Variants in RAPGEF2 observed in about 807,000 individuals in gnomAD.
RAPGEF2 encodes Rap guanine nucleotide exchange factor 2.
In RAPGEF2, 54 loss-of-function variants were observed where a neutral mutation model predicts 186.7. The ratio of observed to expected loss-of-function variants is 0.29; its 90% CI spans 0.23 to 0.36. RAPGEF2 has a LOEUF of 0.36. Among genes scored for constraint, RAPGEF2 ranks in the 10% least tolerant of loss-of-function variants. RAPGEF2 has a pLI of 1.00. For synonymous variants in RAPGEF2, 712 were observed against 705.9 expected, an observed-to-expected ratio of 1.01 and a Z score of -0.14; for missense variants, 1,532 against 2,045.0, an observed-to-expected ratio of 0.75 and a Z score of 4.84.
intron 5 of RAPGEF2, among the ~76,000 whole-genome samples, chr4:159,239,290 T>C (rs1367662987): frequency 6.6e-6 from 1 of 152,174 alleles, no homozygotes; most frequent in Non-Finnish European, 1.5e-5. Flanking sequence ...TTTTGGAATC[T>C]AAACATGCCT....
chr4:159,349,721 CA>C (rs1333623971), intron 25 of RAPGEF2, among the ~76,000 whole-genome samples: 53 of 152,186 alleles, frequency 3.5e-4, no homozygotes, highest in African/African-American at 1.3e-3. Context: ...TCCAAGGATA[CA>C]AAACAGTTTC....
chr4:159,329,865 G>C lies in RAPGEF2; in HGVS notation c.1157G>C (p.Cys386Ser). The C allele has an allele frequency of 6.2e-7, 1 of 1,610,444 alleles. No individual in the cohort carries two copies. Among genetic ancestry groups the C allele is most frequent in the Non-Finnish European group, 8.5e-7 (1 of 1,178,194 alleles). ...ACTTATGTTTTATTCCAGTTTGTCTGCATAGCCCAGCAAGATTACTGCCGT... is the reference window on the plus strand; with the variant it reads ...ACTTATGTTTTATTCCAGTTTGTCTCCATAGCCCAGCAAGATTACTGCCGT... The part of the protein sequence containing the change: ...RTKVDDCQFV[C>S]IAQQDYCRIL... Residue 386 changes from cysteine to serine, a missense_variant, in exon 12 of 30, where the codon TGC (cysteine) becomes TCC (serine). By Grantham distance (112) the Cys-to-Ser change is moderately radical. Transcript: ENST00000691494.
At chr4:159,198,992 C>A (rs1749107435) in intron 3 of RAPGEF2, among the ~76,000 whole-genome samples, 1 of 149,650 alleles carries the variant, frequency 6.7e-6, no homozygotes, top group Non-Finnish European at 1.5e-5. Flanking sequence ...ACGAGAATTG[C>A]CTGAGCCCCA....
At chr4:159,358,028 T>C (rs1732294039) in intron 29 of RAPGEF2, 86 bp from the exon 30 acceptor site, 30 of 1,308,988 alleles carry the variant, frequency 2.3e-5, no homozygotes, top group Non-Finnish European at 3.2e-5. Context: ...TAGTTTTATT[T>C]AGCACATCAG....
intron 11 of RAPGEF2, chr4:159,328,000 C>G (rs1766168989): frequency 6.6e-6 from 1 of 151,964 alleles, no homozygotes; most frequent in Non-Finnish European, 1.5e-5. Flanking sequence ...TAGTACATTT[C>G]TCTTCATAAA....
chr4:159,146,016 C>T (rs1341102287), intron 1 of RAPGEF2, among the ~76,000 whole-genome samples: 1 of 152,028 alleles, frequency 6.6e-6, no homozygotes, highest in Non-Finnish European at 1.5e-5. Context: ...CTTATGCTGT[C>T]TGTATGTAAC....
intron 1 of RAPGEF2, among the ~76,000 whole-genome samples, chr4:159,135,192 TGC>T (rs546130706): frequency 2.4e-4 from 36 of 152,162 alleles, no homozygotes; most frequent in Non-Finnish European, 4.1e-4. Flanking sequence ...TATAGGTGTG[TGC>T]CACCATGCCC....
chr4:159,322,398 T>C lies in RAPGEF2; in HGVS notation c.905T>C (p.Met302Thr), dbSNP rs1765344443. Residue 302 changes from methionine (M) to threonine (T), a missense_variant, in exon 10 of 30, where the codon ATG becomes ACG. Around this residue, in one of 4 missense-constraint regions of RAPGEF2, gnomAD observed 810 missense variants for 1,210.5 expected, o/e 0.67. Transcript: ENST00000691494. ...HQLPAFANMT[M>T]SVRRELCAVM... ...TTGCCTGCTTTTGCCAATATGACAATGTCAGTGAGGCGAGAACTCTGTGCT... is the reference window on the plus strand; with the variant it reads ...TTGCCTGCTTTTGCCAATATGACAACGTCAGTGAGGCGAGAACTCTGTGCT... 3 of 1,613,912 alleles carry C rather than the reference T, an allele frequency of 1.9e-6. No homozygotes were observed. The highest frequency in any genetic ancestry group is 1.7e-5 in the Admixed American group (1 of 59,990).
chr4:159,323,983 A>C (rs984840815), intron 11 of RAPGEF2, among the ~76,000 whole-genome samples: 5 of 148,794 alleles, frequency 3.4e-5, no homozygotes, highest in African/African-American at 1.2e-4. Flanking sequence ...TGCAACCTCC[A>C]CCTCCTGGGT....
At chr4:159,192,607 A>G (rs1414323341) in intron 2 of RAPGEF2, among the ~76,000 whole-genome samples, 1 of 152,226 alleles carries the variant, frequency 6.6e-6, no homozygotes, top group African/African-American at 2.4e-5. Flanking sequence ...TTTAAAAATT[A>G]TTCATGTTTT....
intron 1 of RAPGEF2, among the ~76,000 whole-genome samples, chr4:159,118,070 C>T (rs187689187): frequency 1.1e-3 from 168 of 152,156 alleles, no homozygotes; most frequent in Non-Finnish European, 1.8e-3. Flanking sequence ...GAGTACCCAA[C>T]CCCTGGGCCA....
intron 2 of RAPGEF2, among the ~76,000 whole-genome samples, chr4:159,190,841 G>C (rs1011824244): frequency 6.6e-6 from 1 of 152,202 alleles, no homozygotes; most frequent in African/African-American, 2.4e-5. Context: ...GACATGTGGG[G>C]ATTATGGGAA....
chr4:159,256,864 C>T (rs910279245), intron 7 of RAPGEF2, among the ~76,000 whole-genome samples: 8 of 152,096 alleles, frequency 5.3e-5, no homozygotes, highest in African/African-American at 1.7e-4. Context: ...TGTTCATGTC[C>T]TTTGCCCACT....
chr4:159,234,329 T>C (rs1386925966), intron 4 of RAPGEF2, among the ~76,000 whole-genome samples: 6 of 152,078 alleles, frequency 3.9e-5, no homozygotes, highest in Non-Finnish European at 7.4e-5. Context: ...TTAAAAATGA[T>C]TATTTTAGAA....
At chr4:159,114,381 C>T (rs756991984) in intron 1 of RAPGEF2, among the ~76,000 whole-genome samples, 29 of 151,800 alleles carry the variant, frequency 1.9e-4, no homozygotes, top group African/African-American at 4.8e-5. Context: ...GGATTACAGG[C>T]GTGAGCCACT....
chr4:159,207,422 C>T (rs999304902), intron 3 of RAPGEF2, among the ~76,000 whole-genome samples: 19 of 152,070 alleles, frequency 1.2e-4, no homozygotes, highest in Admixed American at 7.9e-4. Context: ...CTTAATTTGT[C>T]GATATTATTT....
intron 4 of RAPGEF2, among the ~76,000 whole-genome samples, chr4:159,237,969 G>A: frequency 6.6e-6 from 1 of 151,038 alleles, no homozygotes; most frequent in South Asian, 2.1e-4. Context: ...AGTGAGCTGT[G>A]ATTGTGCCAC....
At chr4:159,194,475 C>T (rs886948887) in intron 3 of RAPGEF2, among the ~76,000 whole-genome samples, 28 of 152,108 alleles carry the variant, frequency 1.8e-4, no homozygotes, top group Non-Finnish European at 3.8e-4. Context: ...ACATGGCAAA[C>T]CCATGGCCAA....
intron 1 of RAPGEF2, among the ~76,000 whole-genome samples, chr4:159,118,113 C>G (rs1254801066): frequency 6.6e-6 from 1 of 152,148 alleles, no homozygotes; most frequent in Non-Finnish European, 1.5e-5. Context: ...CTGTTAGGAA[C>G]CAGGCCATAC....
Sources: gnomAD v4.1 joint callset for allele counts (sites outside exome capture counted in the v4.1 genomes callset) on GRCh38, gnomAD v4.1.1 for gene constraint, gnomAD v4.1.1 regional missense constraint, MANE v1.5 for transcripts, NCBI Gene and HGNC (gene_info 2026-07-23, HGNC 2026-07-21) for gene names.